SENP7: variants seen among roughly 807,000 people sequenced by gnomAD.
SENP7 encodes SUMO specific peptidase 7.
In SENP7, 64 loss-of-function variants were observed where a neutral mutation model predicts 141.2. That is an observed-to-expected ratio of 0.45 (90% CI 0.37 to 0.56). The LOEUF is 0.56. Among genes scored for constraint, SENP7 ranks in the 20% least tolerant of loss-of-function variants. The pLI, the probability that SENP7 is intolerant of heterozygous loss-of-function variation, is 0.00. For synonymous variants in SENP7, 382 were observed against 426.4 expected, an observed-to-expected ratio of 0.90 and a Z score of 1.28; for missense variants, 1,025 against 1,212.2, an observed-to-expected ratio of 0.85 and a Z score of 2.29.
At chr3:101,392,897 T>C (rs72940386) in intron 6 of SENP7, among the ~76,000 whole-genome samples, 1,610 of 152,242 alleles carry the variant, frequency 0.011, 22 homozygotes, top group African/African-American at 0.036. Context: ...GGAGGGAAGA[T>C]TGCTTGAAGT....
At chr3:101,426,369 C>T (rs1168787024) in intron 4 of SENP7, among the ~76,000 whole-genome samples, 3 of 152,136 alleles carry the variant, frequency 2.0e-5, no homozygotes, top group Non-Finnish European at 4.4e-5. Flanking sequence ...CAGCAGAAAC[C>T]ATAAAAGCCA....
chr3:101,477,302 A>T (rs942928353), intron 3 of SENP7, among the ~76,000 whole-genome samples: 25 of 152,212 alleles, frequency 1.6e-4, no homozygotes, highest in Admixed American at 1.6e-3. Context: ...TTTGGAAACA[A>T]TACAAATACA....
intron 7 of SENP7, among the ~76,000 whole-genome samples, chr3:101,369,979 T>C (rs995808731): frequency 2.6e-5 from 4 of 152,112 alleles, no homozygotes; most frequent in African/African-American, 9.7e-5. Context: ...TAATGTGCTA[T>C]GGAAAAAAAT....
intron 4 of SENP7, among the ~76,000 whole-genome samples, chr3:101,419,144 G>A (rs1318129906): frequency 6.6e-6 from 1 of 152,110 alleles, no homozygotes; most frequent in Non-Finnish European, 1.5e-5. Flanking sequence ...CTATCCAAAG[G>A]AAACAAGTAA....
intron 6 of SENP7, among the ~76,000 whole-genome samples, chr3:101,380,067 T>TA (rs2107489088): frequency 6.6e-6 from 1 of 152,304 alleles, no homozygotes; most frequent in East Asian, 1.9e-4. Flanking sequence ...ATAAGTCAGT[T>TA]AGCAAAGGAC....
At position 101,337,493 on chromosome 3, in the gene SENP7, T is replaced by TAGAGG. The variant is rs1354999555; in HGVS notation, c.2480+11_2480+15dup. Reference sequence around the variant, plus strand: ...ATTTTCTCTTAAAACTTAAGTACATTAGAGGATTAACTTACGAAAGATTTG... The same window carrying TAGAGG: ...ATTTTCTCTTAAAACTTAAGTACATTAGAGGAGAGGATTAACTTACGAAAGATTTG... On this transcript the variant is annotated intron_variant, in intron 17 of 23. Transcript: ENST00000394095. 2 of 1,486,972 alleles carry TAGAGG rather than the reference T, an allele frequency of 1.3e-6. No homozygotes were observed. The highest frequency in any genetic ancestry group is 4.6e-5 in the East Asian group (2 of 43,670). 92.1% of individuals were successfully genotyped at this position (1,486,972 alleles called of 1,614,324 possible). A position where few individuals can be genotyped will look rare whatever the true frequency, so the allele number is the denominator to read the frequency against.
At chr3:101,511,584 A>AT (rs1361249673) in intron 1 of SENP7, among the ~76,000 whole-genome samples, 1 of 152,206 alleles carries the variant, frequency 6.6e-6, no homozygotes. Context: ...ATATACATAT[A>AT]TATCATTTAT....
chr3:101,437,451 C>A (rs1004916705), intron 4 of SENP7, among the ~76,000 whole-genome samples: 1 of 152,162 alleles, frequency 6.6e-6, no homozygotes, highest in East Asian at 1.9e-4. Flanking sequence ...TTTCACATTG[C>A]ATGCCTATAT....
At chr3:101,491,133 T>C (rs1351743440) in intron 3 of SENP7, among the ~76,000 whole-genome samples, 1 of 151,644 alleles carries the variant, frequency 6.6e-6, no homozygotes, top group Non-Finnish European at 1.5e-5. Flanking sequence ...ATACTTTTTT[T>C]TTTTTTTTTG....
intron 4 of SENP7, among the ~76,000 whole-genome samples, chr3:101,445,935 T>C (rs774194527): frequency 1.5e-4 from 23 of 152,102 alleles, no homozygotes; most frequent in Admixed American, 3.9e-4. Context: ...AATACAATAA[T>C]AGTTTGGAAC....
chr3:101,424,382 A>G (rs2107683718), intron 4 of SENP7, among the ~76,000 whole-genome samples: 1 of 146,260 alleles, frequency 6.8e-6, no homozygotes, highest in South Asian at 2.1e-4. Context: ...TCTTTGCCCC[A>G]GCAGCATGTG....
intron 6 of SENP7, among the ~76,000 whole-genome samples, chr3:101,387,168 A>C (rs550115099): frequency 1.3e-5 from 2 of 152,316 alleles, no homozygotes; most frequent in South Asian, 4.1e-4. Flanking sequence ...ATGCACAATC[A>C]GAGAGCATAA....
intron 1 of SENP7, among the ~76,000 whole-genome samples, chr3:101,511,265 G>T (rs2065845655): frequency 1.3e-5 from 2 of 152,142 alleles, no homozygotes; most frequent in African/African-American, 4.8e-5. Context: ...AAGTTACTGT[G>T]ACAAATAAAT....
chr3:101,332,115 GA>G lies in SENP7; in HGVS notation c.2574-7del. The G allele has an allele frequency of 6.2e-7, 1 of 1,611,996 alleles. No homozygotes were observed. The highest frequency in any genetic ancestry group is 8.5e-7 in the Non-Finnish European group (1 of 1,178,842). ...CTGCGAGATACCAGTGAGACCTGTT[GA>G]AAAAGAACTACAATCTTAATACCAT... is the stretch of plus-strand genomic sequence containing the variant. On this transcript the variant is annotated splice_polypyrimidine_tract_variant and splice_region_variant and intron_variant, in intron 18 of 23. Transcript: ENST00000394095.
chr3:101,403,320 TA>T (rs1342791755), intron 5 of SENP7, among the ~76,000 whole-genome samples: 1 of 152,226 alleles, frequency 6.6e-6, no homozygotes, highest in Admixed American at 6.5e-5. Flanking sequence ...TTTCCCTACA[TA>T]AAGACACTAT....
At chr3:101,358,339 C>A in intron 11 of SENP7, 3 of 705,942 alleles carry the variant, frequency 4.2e-6, no homozygotes, top group South Asian at 2.8e-5. Context: ...CACAGGAAAC[C>A]TACAGAGTCA....
At chr3:101,409,930 T>C (rs1331150722) in intron 5 of SENP7, among the ~76,000 whole-genome samples, 1 of 152,128 alleles carries the variant, frequency 6.6e-6, no homozygotes, top group East Asian at 1.9e-4. Context: ...CAAAGTTAAA[T>C]TGCTCGGAGT....
intron 9 of SENP7, among the ~76,000 whole-genome samples, chr3:101,365,999 A>C (rs1576106829): frequency 6.6e-6 from 1 of 152,206 alleles, no homozygotes; most frequent in East Asian, 1.9e-4. Flanking sequence ...GCGAGTATTC[A>C]CTGGAGATCC....
rs76100396 is a variant in SENP7, at chr3:101,435,848, C to A, written c.285-18058G>T. ...AATATTGTTAAAATCTCCATACCAC[C>A]CAAAGCAATCTACAGATTCAATGCA... On this transcript the variant is annotated intron_variant, in intron 4 of 23. Coordinates refer to ENST00000394095, the MANE Select transcript of SENP7 (RefSeq NM_020654.5). 9.8e-3 allele frequency among the ~76,000 whole-genome samples: 1,485 copies of A among 152,124 alleles called. 27 individuals are homozygous for A. Among genetic ancestry groups the A allele is most frequent in the African/African-American group, 0.034 (1,404 of 41,490 alleles).
Sources: gnomAD v4.1 joint callset for allele counts (sites outside exome capture counted in the v4.1 genomes callset) on GRCh38, gnomAD v4.1.1 for gene constraint, MANE v1.5 for transcripts, NCBI Gene and HGNC (gene_info 2026-07-23, HGNC 2026-07-21) for gene names.